ASB3: variants seen among roughly 807,000 people sequenced by gnomAD.
The protein encoded by ASB3 is ankyrin repeat and SOCS box protein 3.
Under a neutral mutation model 54.5 loss-of-function variants are expected in ASB3, and 41 were observed. That is an observed-to-expected ratio of 0.75 (90% confidence interval 0.59 to 0.98). The LOEUF (loss-of-function observed/expected upper bound fraction) is 0.98. ASB3 is among the 50% of genes least tolerant of loss of function. ASB3 has a pLI of 0.00. For missense variants in ASB3, 733 were observed against 620.0 expected (o/e 1.18, Z -1.94); for synonymous variants, 266 against 221.2 (o/e 1.20, Z -1.80).
At chr2:53,759,324 A>G (rs1673010243) in intron 2 of ASB3, among the ~76,000 whole-genome samples, 1 of 152,206 alleles carries the variant, frequency 6.6e-6, no homozygotes, top group South Asian at 2.1e-4. Flanking sequence ...ACACAGGAAA[A>G]GGAAGAAAAA....
In ASB3 at chr2:53,708,945, A is replaced by C. The variant is rs183074245; in HGVS notation, c.980+5439T>G. On this transcript the variant is annotated intron_variant, in intron 7 of 9. Coordinates refer to ENST00000263634, the MANE Select transcript of ASB3 (RefSeq NM_016115.5). ...ATTTAAAGGAGAAGCAGAGTATAAA[A>C]GTTTGGAAAATTTGCAGCCTGGCAA... Among the ~76,000 whole-genome samples, 557 of 152,350 alleles carry C rather than the reference A, an allele frequency of 3.7e-3. 1 individual carries two copies. The highest frequency in any genetic ancestry group is 6.7e-3 in the Non-Finnish European group (455 of 68,032).
At chr2:53,738,149 T>G (rs1572940812) in intron 3 of ASB3, among the ~76,000 whole-genome samples, 1 of 152,172 alleles carries the variant, frequency 6.6e-6, no homozygotes, top group East Asian at 1.9e-4. Flanking sequence ...GGCCTGATAA[T>G]CACCTAATCA....
intron 7 of ASB3, among the ~76,000 whole-genome samples, chr2:53,710,999 G>A (rs554391236): frequency 2.0e-4 from 30 of 151,896 alleles, no homozygotes; most frequent in African/African-American, 6.0e-4. Context: ...GCATGGTGGC[G>A]CACAACCGTA....
intron 1 of ASB3, among the ~76,000 whole-genome samples, chr2:53,780,546 A>C (rs1453191277): frequency 6.6e-6 from 1 of 152,148 alleles, no homozygotes; most frequent in Non-Finnish European, 1.5e-5. Flanking sequence ...TGGGAGGCCA[A>C]AGCAAGGGGA....
intron 9 of ASB3, among the ~76,000 whole-genome samples, chr2:53,690,295 T>C (rs1179197801): frequency 6.6e-6 from 1 of 152,078 alleles, no homozygotes; most frequent in Non-Finnish European, 1.5e-5. Flanking sequence ...AGTTGAGACA[T>C]ACAATATTTA....
intron 9 of ASB3, among the ~76,000 whole-genome samples, chr2:53,682,655 T>C (rs1290571740): frequency 6.6e-6 from 1 of 152,008 alleles, no homozygotes; most frequent in African/African-American, 2.4e-5. Flanking sequence ...TTTTGTATTT[T>C]TAGTAGAGAT....
chr2:53,762,756 A>G (rs1167349172), intron 2 of ASB3, among the ~76,000 whole-genome samples: 1 of 152,182 alleles, frequency 6.6e-6, no homozygotes, highest in Non-Finnish European at 1.5e-5. Context: ...AAGACAAGCA[A>G]ATTTGTTATC....
chr2:53,710,199 G>A (rs1342350911), intron 7 of ASB3, among the ~76,000 whole-genome samples: 2 of 152,202 alleles, frequency 1.3e-5, no homozygotes, highest in South Asian at 2.1e-4. Context: ...CAGTCTGCAC[G>A]CTCCAGCTGC....
intron 1 of ASB3, among the ~76,000 whole-genome samples, chr2:53,772,678 A>G (rs1314388476): frequency 6.6e-6 from 1 of 151,764 alleles, no homozygotes; most frequent in Non-Finnish European, 1.5e-5. Flanking sequence ...TAATTGTATC[A>G]ATAGCACCTG....
chr2:53,734,585 C>T (rs1671510066), intron 3 of ASB3, among the ~76,000 whole-genome samples: 1 of 152,162 alleles, frequency 6.6e-6, no homozygotes, highest in Non-Finnish European at 1.5e-5. Flanking sequence ...CTCCATGGAC[C>T]TTTTAATCAC....
chr2:53,732,203 C>T (rs1671358766), intron 3 of ASB3, among the ~76,000 whole-genome samples: 1 of 151,348 alleles, frequency 6.6e-6, no homozygotes, highest in Non-Finnish European at 1.5e-5. Context: ...AGGTGATCCA[C>T]CTCCGCCTCA....
At chr2:53,772,268 G>C (rs547325889) in intron 1 of ASB3, among the ~76,000 whole-genome samples, 1 of 151,980 alleles carries the variant, frequency 6.6e-6, no homozygotes, top group African/African-American at 2.4e-5. Flanking sequence ...TCCGCCTCCC[G>C]GGTTCACGCC....
intron 8 of ASB3, among the ~76,000 whole-genome samples, chr2:53,695,153 A>G (rs1387957431): frequency 3.3e-5 from 5 of 152,148 alleles, no homozygotes; most frequent in Admixed American, 2.6e-4. Flanking sequence ...AAGGAAATAC[A>G]AGGAAAGAAG....
At position 53,706,447 on chromosome 2, in the gene ASB3, C is replaced by CT. The variant is rs869052245; in HGVS notation, c.981-5920dup. 3.8e-3 allele frequency among the ~76,000 whole-genome samples: 559 copies of CT among 145,544 alleles called. 2 individuals are homozygous for CT. Among genetic ancestry groups the CT allele is most frequent in the African/African-American group, 0.012 (475 of 40,018 alleles). ...TTAAAAAGGAGTCAAAAGGCAGCTTCTTTTTTTTTTTGTTTTTTGAATCTG... is the reference window on the plus strand; with the variant it reads ...TTAAAAAGGAGTCAAAAGGCAGCTTCTTTTTTTTTTTTGTTTTTTGAATCTG... On this transcript the variant is annotated intron_variant, in intron 7 of 9. Transcript: ENST00000263634.
chr2:53,726,183 G>A (rs115183569), intron 5 of ASB3, among the ~76,000 whole-genome samples: 1 of 151,396 alleles, frequency 6.6e-6, no homozygotes, highest in African/African-American at 2.4e-5. Context: ...CAGGAGCTCA[G>A]AGCTCCAGGC....
At chr2:53,721,683 T>C (rs1670721279) in intron 5 of ASB3, among the ~76,000 whole-genome samples, 2 of 152,114 alleles carry the variant, frequency 1.3e-5, no homozygotes, top group South Asian at 4.1e-4. Context: ...ACACAGAACA[T>C]ATTAAAATGC....
intron 9 of ASB3, among the ~76,000 whole-genome samples, chr2:53,679,522 C>A (rs1166634759): frequency 6.6e-6 from 1 of 152,056 alleles, no homozygotes; most frequent in Non-Finnish European, 1.5e-5. Flanking sequence ...TGAGGCTAAT[C>A]CCGTCTCCAA....
chr2:53,670,467 A>AC lies in ASB3; in HGVS notation c.*35_*36insG, dbSNP rs1276673303. On this transcript the variant is annotated 3_prime_UTR_variant, in exon 10 of 10. Transcript: ENST00000263634. ...CTCTTTTGTCTCGATGATTTTTCAGAGAAAAAAATTAGCTGTGTTAAGTAG... is the reference window on the plus strand; with the variant it reads ...CTCTTTTGTCTCGATGATTTTTCAGACGAAAAAAATTAGCTGTGTTAAGTAG... 4 of 1,591,164 alleles carry AC rather than the reference A, an allele frequency of 2.5e-6. No individual in the cohort carries two copies. Among genetic ancestry groups the AC allele is most frequent in the Non-Finnish European group, 3.4e-6 (4 of 1,172,896 alleles).
At position 53,712,707 on chromosome 2, in the gene ASB3, AGATAAG is replaced by A. The variant is rs1403953700; in HGVS notation, c.980+1671_980+1676del. ...GGACCAAAAACATTGTTCATCCAAA[AGATAAG>A]ATGAAGGCCAAAAAAGACCATCATC... On this transcript the variant is annotated intron_variant, in intron 7 of 9. Coordinates refer to ENST00000263634, the MANE Select transcript of ASB3 (RefSeq NM_016115.5). Among the ~76,000 whole-genome samples, 17 of 152,306 alleles carry A rather than the reference AGATAAG, an allele frequency of 1.1e-4. No individual in the cohort carries two copies. The South Asian group carries it at 3.3e-3, about 30-fold the overall frequency.
Sources: allele counts gnomAD v4.1 joint callset (sites outside exome capture counted in the v4.1 genomes callset), GRCh38; gene constraint gnomAD v4.1.1; transcripts MANE v1.5; gene names NCBI Gene and HGNC (gene_info 2026-07-23, HGNC 2026-07-21).